Variants in MACROD2 observed in about 807,000 individuals in gnomAD.
The protein encoded by MACROD2 is mono-ADP ribosylhydrolase 2.
Under a neutral mutation model 70.4 loss-of-function variants are expected in MACROD2, and 36 were observed. The ratio of observed to expected loss-of-function variants is 0.51; its 90% confidence interval spans 0.39 to 0.68. The LOEUF (loss-of-function observed/expected upper bound fraction) is 0.68. MACROD2 is among the 30% of genes least tolerant of loss of function. The pLI, the probability that MACROD2 is intolerant of heterozygous loss-of-function variation, is 0.00. For missense variants in MACROD2, 496 were observed against 538.4 expected, an observed-to-expected ratio of 0.92 and a Z score of 0.78; for synonymous variants, 172 against 178.8, an observed-to-expected ratio of 0.96 and a Z score of 0.30.
chr20:14,011,600 C>G (rs1361109767), intron 2 of MACROD2, among the ~76,000 whole-genome samples: 1 of 151,766 alleles, frequency 6.6e-6, no homozygotes, highest in African/African-American at 2.4e-5. Context: ...CCGATCTCGG[C>G]TCACTGCAAG....
intron 3 of MACROD2, among the ~76,000 whole-genome samples, chr20:14,305,305 T>C (rs1238289579): frequency 1.3e-5 from 2 of 152,176 alleles, no homozygotes; most frequent in African/African-American, 4.8e-5. Flanking sequence ...CCAGGTAAGC[T>C]ATTGTTGCTT....
chr20:14,676,272 T>C (rs2070860339), intron 4 of MACROD2, among the ~76,000 whole-genome samples: 3 of 152,174 alleles, frequency 2.0e-5, no homozygotes, highest in Admixed American at 6.6e-5. Flanking sequence ...ATCATGCTTA[T>C]TCTAACATAC....
intron 8 of MACROD2, among the ~76,000 whole-genome samples, chr20:15,622,333 G>T (rs1445199930): frequency 2.0e-5 from 3 of 152,218 alleles, no homozygotes; most frequent in Non-Finnish European, 2.9e-5. Flanking sequence ...ATAAAATACA[G>T]CAGTGCCCCC....
At chr20:14,641,487 C>T (rs1188138576) in intron 4 of MACROD2, among the ~76,000 whole-genome samples, 1 of 152,162 alleles carries the variant, frequency 6.6e-6, no homozygotes, top group Non-Finnish European at 1.5e-5. Context: ...GTGTCCTTTG[C>T]CCAGATCCAT....
At chr20:15,225,673 A>G (rs966207012) in intron 5 of MACROD2, among the ~76,000 whole-genome samples, 9 of 152,154 alleles carry the variant, frequency 5.9e-5, no homozygotes, top group Non-Finnish European at 1.3e-4. Context: ...GTATCTTTCC[A>G]TATGCATACA....
intron 9 of MACROD2, among the ~76,000 whole-genome samples, chr20:15,876,120 T>TATATA (rs1400960877): frequency 7.5e-5 from 11 of 146,018 alleles, no homozygotes; most frequent in East Asian, 4.1e-4. Context: ...TATGTGTGTA[T>TATATA]TTTTTTTATT....
At chr20:14,981,353 T>A (rs1264881903) in intron 5 of MACROD2, among the ~76,000 whole-genome samples, 2 of 151,752 alleles carry the variant, frequency 1.3e-5, no homozygotes, top group African/African-American at 4.8e-5. Context: ...CACTTTTCCT[T>A]CATTTTAGCT....
rs2053470386 is a variant in MACROD2, at chr20:14,046,102, T to A, written c.164-39519T>A. 2.0e-5 allele frequency among the ~76,000 whole-genome samples: 3 copies of A among 152,132 alleles called. No individual in the cohort carries two copies. In the South Asian group the frequency reaches 6.2e-4, roughly 31 times the overall value. ...GAATGAGAAATTCCCAAAATTAAAG[T>A]GTGAATCATTAAACTGAAGAAGTAC... On this transcript the variant is annotated intron_variant, in intron 2 of 17. Transcript: ENST00000684519.
At chr20:14,082,267 C>T (rs556933868) in intron 2 of MACROD2, among the ~76,000 whole-genome samples, 1 of 148,964 alleles carries the variant, frequency 6.7e-6, no homozygotes, top group African/African-American at 2.5e-5. Context: ...CAACCTCCAC[C>T]TCCCAGGTTC....
At chr20:15,579,450 A>G (rs1028845077) in intron 8 of MACROD2, among the ~76,000 whole-genome samples, 4 of 152,216 alleles carry the variant, frequency 2.6e-5, no homozygotes, top group African/African-American at 9.6e-5. Flanking sequence ...CTTGTTCTCC[A>G]GCAATCACAC....
chr20:14,927,798 T>C (rs557906879), intron 5 of MACROD2, among the ~76,000 whole-genome samples: 1 of 152,218 alleles, frequency 6.6e-6, no homozygotes, highest in South Asian at 2.1e-4. Context: ...TGTTGGAATG[T>C]CACTTTCTGT....
intron 3 of MACROD2, among the ~76,000 whole-genome samples, chr20:14,400,053 T>G (rs1205439064): frequency 1.5e-4 from 2 of 13,498 alleles, no homozygotes; most frequent in East Asian, 5.1e-3. Context: ...TTGTATTGAT[T>G]AATTTTTCTC....
intron 5 of MACROD2, among the ~76,000 whole-genome samples, chr20:15,176,353 A>G (rs892123625): frequency 6.6e-6 from 1 of 152,326 alleles, no homozygotes; most frequent in African/African-American, 2.4e-5. Flanking sequence ...CTGGGCTGCC[A>G]GTTCCTGATG....
chr20:14,508,856 A>G (rs1444774541), intron 4 of MACROD2, among the ~76,000 whole-genome samples: 1 of 152,146 alleles, frequency 6.6e-6, no homozygotes, highest in Non-Finnish European at 1.5e-5. Flanking sequence ...CCTATCTTGT[A>G]TCTATCCATG....
chr20:16,042,511 G>A (rs1301751644), intron 16 of MACROD2, among the ~76,000 whole-genome samples: 3 of 152,062 alleles, frequency 2.0e-5, no homozygotes, highest in Admixed American at 2.0e-4. Flanking sequence ...AGTCTCAGAG[G>A]TAAAGAGACA....
intron 3 of MACROD2, among the ~76,000 whole-genome samples, chr20:14,363,507 T>C (rs911670387): frequency 1.2e-4 from 18 of 152,194 alleles, no homozygotes; most frequent in Admixed American, 1.1e-3. Context: ...CAATTCTCTT[T>C]TCCTTCTTCC....
chr20:14,235,558 C>G (rs1187026133), intron 3 of MACROD2, among the ~76,000 whole-genome samples: 1 of 152,106 alleles, frequency 6.6e-6, no homozygotes, highest in Admixed American at 6.6e-5. Flanking sequence ...TTGAAAAATA[C>G]TATGAAGAAA....
intron 6 of MACROD2, among the ~76,000 whole-genome samples, chr20:15,238,933 T>G (rs1293377281): frequency 6.6e-6 from 1 of 152,188 alleles, no homozygotes; most frequent in African/African-American, 2.4e-5. Flanking sequence ...ACAGTGAAAT[T>G]TGTATAGAAA....
intron 3 of MACROD2, among the ~76,000 whole-genome samples, chr20:14,345,751 G>C (rs1651156277): frequency 6.6e-6 from 1 of 151,528 alleles, no homozygotes; most frequent in Admixed American, 6.6e-5. Flanking sequence ...TTTCTATAAG[G>C]ACAACAAGTT....
Sources: gnomAD v4.1 joint callset for allele counts (sites outside exome capture counted in the v4.1 genomes callset) on GRCh38, gnomAD v4.1.1 for gene constraint, MANE v1.5 for transcripts, NCBI Gene and HGNC (gene_info 2026-07-23, HGNC 2026-07-21) for gene names.